Variants in XKR6 observed in about 807,000 individuals in gnomAD.
XKR6 encodes the protein XK-related protein 6.
A neutral mutation model predicts 56.7 loss-of-function variants in XKR6; 22 were observed. The observed-to-expected ratio is 0.39, with a 90% CI of 0.28 to 0.55. The LOEUF (loss-of-function observed/expected upper bound fraction) is 0.55. Ranked by LOEUF, XKR6 falls within the 20% of genes least tolerant of loss-of-function variation. The pLI, the probability that XKR6 is intolerant of heterozygous loss-of-function variation, is 0.66. For synonymous variants in XKR6, 524 were observed against 387.8 expected, an observed-to-expected ratio of 1.35 and a Z score of -4.13; for missense variants, 852 against 889.0, an observed-to-expected ratio of 0.96 and a Z score of 0.53.
At chr8:11,098,595 T>A (rs117927616) in intron 1 of XKR6, among the ~76,000 whole-genome samples, 1 of 152,190 alleles carries the variant, frequency 6.6e-6, no homozygotes, top group Non-Finnish European at 1.5e-5. Context: ...GACTATGTGG[T>A]CATGCATGTT....
At chr8:10,926,836 C>A (rs942715184) in intron 1 of XKR6, among the ~76,000 whole-genome samples, 1 of 152,162 alleles carries the variant, frequency 6.6e-6, no homozygotes, top group Admixed American at 6.5e-5. Flanking sequence ...AATCAAGGAA[C>A]CAGGGAAGAG....
At chr8:11,105,359 C>G (rs1798638706) in intron 1 of XKR6, 1 of 152,246 alleles carries the variant, frequency 6.6e-6, no homozygotes, top group African/African-American at 2.4e-5. Flanking sequence ...AAGTCCCCAT[C>G]CTGTCCTTTT....
At chr8:11,056,967 C>A (rs756558665) in intron 1 of XKR6, among the ~76,000 whole-genome samples, 1 of 152,222 alleles carries the variant, frequency 6.6e-6, no homozygotes, top group Non-Finnish European at 1.5e-5. Flanking sequence ...ATTCTACCCC[C>A]ACGTTGGTGC....
intron 1 of XKR6, among the ~76,000 whole-genome samples, chr8:10,962,007 G>T (rs1586360746): frequency 6.6e-6 from 1 of 152,190 alleles, no homozygotes; most frequent in African/African-American, 2.4e-5. Context: ...TTATTTGGGG[G>T]AAGGGCATGA....
chr8:10,928,334 C>G lies in XKR6; in HGVS notation c.765-3504G>C, dbSNP rs539173625. On this transcript the variant is annotated intron_variant, in intron 1 of 2. Coordinates refer to ENST00000416569, the MANE Select transcript of XKR6 (RefSeq NM_173683.4). ...CACGCGGCTGCTGCTGTCCTCGAGG[C>G]TCTAGGATTCTTCCTCCTCCTAGCT... is the stretch of plus-strand genomic sequence containing the variant. Among the ~76,000 whole-genome samples, 12 of 152,354 alleles carry G rather than the reference C, an allele frequency of 7.9e-5. No homozygotes were observed. The South Asian group carries it at 2.1e-3, about 26-fold the overall frequency.
At chr8:11,181,743 A>G (rs990119315) in intron 1 of XKR6, among the ~76,000 whole-genome samples, 1 of 152,222 alleles carries the variant, frequency 6.6e-6, no homozygotes, top group Non-Finnish European at 1.5e-5. Flanking sequence ...TCTAACATTC[A>G]GTACGTACTT....
chr8:11,123,966 G>A (rs749119587), intron 1 of XKR6: 34 of 456,062 alleles, frequency 7.5e-5, no homozygotes, highest in South Asian at 5.0e-4. Context: ...AGTGCTACCT[G>A]CTCAGAGGCA....
At chr8:11,015,377 G>C (rs1798595066) in intron 1 of XKR6, among the ~76,000 whole-genome samples, 1 of 152,046 alleles carries the variant, frequency 6.6e-6, no homozygotes, top group African/African-American at 2.4e-5. Context: ...AGATTATTTA[G>C]GAAAGGTTTA....
intron 1 of XKR6, among the ~76,000 whole-genome samples, chr8:11,138,996 T>C (rs1033413787): frequency 1.3e-5 from 2 of 152,058 alleles, no homozygotes; most frequent in Admixed American, 6.6e-5. Context: ...AGTTAGCTAG[T>C]TGCCACATTC....
intron 2 of XKR6, among the ~76,000 whole-genome samples, chr8:10,906,091 G>A (rs767415429): frequency 9.2e-5 from 14 of 152,290 alleles, no homozygotes; most frequent in Middle Eastern, 3.4e-3. Flanking sequence ...ACTGAAACCC[G>A]AGACTATTTC....
At chr8:10,983,382 T>C (rs941209554) in intron 1 of XKR6, among the ~76,000 whole-genome samples, 2 of 152,138 alleles carry the variant, frequency 1.3e-5, no homozygotes, top group Non-Finnish European at 2.9e-5. Flanking sequence ...GCAAGGCCTA[T>C]TTGCTCCATT....
At chr8:10,949,698 T>C (rs1366531737) in intron 1 of XKR6, among the ~76,000 whole-genome samples, 1 of 152,150 alleles carries the variant, frequency 6.6e-6, no homozygotes, top group Non-Finnish European at 1.5e-5. Context: ...AAGTAACTCA[T>C]CCAAGGACAC....
At chr8:11,087,680 T>G (rs1341025460) in intron 1 of XKR6, among the ~76,000 whole-genome samples, 2 of 152,210 alleles carry the variant, frequency 1.3e-5, no homozygotes, top group Non-Finnish European at 2.9e-5. Context: ...GAACCTGGAC[T>G]TCCAATGTCA....
At chr8:11,158,213 G>A (rs925836939) in intron 1 of XKR6, among the ~76,000 whole-genome samples, 1 of 152,182 alleles carries the variant, frequency 6.6e-6, no homozygotes, top group Non-Finnish European at 1.5e-5. Context: ...AGTGTGCAAT[G>A]GAAGCAGAGA....
rs543030371 is a variant in XKR6, at chr8:11,099,881, G to A, written c.764+100695C>T. ...GCTGGGCAGAGCCCTCTCTGCGGAG[G>A]AGACAATTTAGCAGAGATGGAGCCA... On this transcript the variant is annotated intron_variant, in intron 1 of 2. Coordinates refer to ENST00000416569, the MANE Select transcript of XKR6 (RefSeq NM_173683.4). 9.2e-5 allele frequency among the ~76,000 whole-genome samples: 14 copies of A among 152,312 alleles called. No homozygotes were observed. The South Asian group carries it at 2.9e-3, about 32-fold the overall frequency.
At chr8:11,087,623 G>A (rs915744828) in intron 1 of XKR6, among the ~76,000 whole-genome samples, 2 of 152,168 alleles carry the variant, frequency 1.3e-5, no homozygotes, top group African/African-American at 4.8e-5. Context: ...CAACCACCAA[G>A]GGAACCAGCC....
chr8:10,946,041 G>A (rs1246747857), intron 1 of XKR6, among the ~76,000 whole-genome samples: 1 of 151,978 alleles, frequency 6.6e-6, no homozygotes. Flanking sequence ...GCTTTTCAGC[G>A]TGGAGTTGTG....
At chr8:11,129,595 G>T (rs904511694) in intron 1 of XKR6, among the ~76,000 whole-genome samples, 2 of 152,140 alleles carry the variant, frequency 1.3e-5, no homozygotes, top group African/African-American at 4.8e-5. Context: ...AGAATACCAT[G>T]CGCTGTTAAG....
intron 1 of XKR6, among the ~76,000 whole-genome samples, chr8:10,968,862 G>A (rs1371232953): frequency 1.3e-5 from 2 of 152,224 alleles, no homozygotes; most frequent in African/African-American, 2.4e-5. Flanking sequence ...CCACCTGCCC[G>A]CTCTGAACAG....
Sources: gnomAD v4.1 joint callset for allele counts (sites outside exome capture counted in the v4.1 genomes callset) on GRCh38, gnomAD v4.1.1 for gene constraint, MANE v1.5 for transcripts, NCBI Gene and HGNC (gene_info 2026-07-23, HGNC 2026-07-21) for gene names.